NKAIN2: variants seen among roughly 807,000 people sequenced by gnomAD.
NKAIN2 encodes sodium/potassium transporting ATPase interacting 2.
Under a neutral mutation model 32.6 loss-of-function variants are expected in NKAIN2, and 14 were observed. The ratio of observed to expected loss-of-function variants is 0.43; its 90% CI spans 0.28 to 0.67. The LOEUF (loss-of-function observed/expected upper bound fraction) is 0.67, where lower values mean the gene tolerates loss of function less well. NKAIN2 is among the 30% of genes least tolerant of loss of function. The probability of loss-of-function intolerance (pLI) is 0.17; values close to 1 mark genes in which losing one functional copy is unlikely to be tolerated. For missense variants in NKAIN2, 198 were observed against 258.3 expected, an observed-to-expected ratio of 0.77 and a Z score of 1.60; for synonymous variants, 80 against 87.2, an observed-to-expected ratio of 0.92 and a Z score of 0.46.
chr6:123,884,132 C>CCCCA (rs1487208727), intron 1 of NKAIN2, among the ~76,000 whole-genome samples: 1 of 151,952 alleles, frequency 6.6e-6, no homozygotes, highest in Non-Finnish European at 1.5e-5. Flanking sequence ...CTCTGAAAGG[C>CCCCA]CCCAGTGTGT....
At chr6:124,720,676 G>A (rs552888660) in intron 4 of NKAIN2, among the ~76,000 whole-genome samples, 1 of 152,264 alleles carries the variant, frequency 6.6e-6, no homozygotes, top group African/African-American at 2.4e-5. Flanking sequence ...TGGAGATTCA[G>A]ATAGCCACAC....
At chr6:124,099,045 C>A (rs1237344077) in intron 1 of NKAIN2, among the ~76,000 whole-genome samples, 1 of 152,022 alleles carries the variant, frequency 6.6e-6, no homozygotes, top group East Asian at 1.9e-4. Context: ...ATTTAAATTT[C>A]ACTTTTTAGA....
At chr6:124,471,532 G>A (rs973729635) in intron 3 of NKAIN2, among the ~76,000 whole-genome samples, 9 of 152,006 alleles carry the variant, frequency 5.9e-5, no homozygotes, top group Admixed American at 4.6e-4. Flanking sequence ...TTTATTGCAC[G>A]CATTCCATTT....
At chr6:124,719,994 T>C (rs1775936840) in intron 4 of NKAIN2, among the ~76,000 whole-genome samples, 1 of 152,164 alleles carries the variant, frequency 6.6e-6, no homozygotes, top group Non-Finnish European at 1.5e-5. Flanking sequence ...CCAAAGAGAA[T>C]GTCAAATTCT....
At chr6:124,117,623 G>A (rs1171910024) in intron 1 of NKAIN2, among the ~76,000 whole-genome samples, 1 of 151,852 alleles carries the variant, frequency 6.6e-6, no homozygotes, top group Non-Finnish European at 1.5e-5. Flanking sequence ...TGCACGTTGT[G>A]CACATGTACC....
Position 123,873,363 on chromosome 6 carries a change from C to T in NKAIN2, c.54+69109C>T, listed in dbSNP as rs192351558. Among the ~76,000 whole-genome samples the T allele has an allele frequency of 2.8e-3, 427 of 152,132 alleles. 4 individuals carry two copies. The highest frequency in any genetic ancestry group is 0.01 in the Middle Eastern group (3 of 294). On this transcript the variant is annotated intron_variant, in intron 1 of 6. Transcript: ENST00000368417. The stretch of plus-strand genomic sequence containing the variant: ...AAAGAAATTTATGTATTTGGAGTGT[C>T]AGGGCAAAAAGAAAAGATGAGGTTC...
intron 3 of NKAIN2, among the ~76,000 whole-genome samples, chr6:124,646,405 G>A (rs576028649): frequency 1.2e-4 from 18 of 152,254 alleles, no homozygotes; most frequent in African/African-American, 3.4e-4. Context: ...AGATAAGAAG[G>A]TGAGAGATCA....
intron 3 of NKAIN2, among the ~76,000 whole-genome samples, chr6:124,565,246 A>C (rs1232394314): frequency 6.6e-6 from 1 of 152,218 alleles, no homozygotes; most frequent in Non-Finnish European, 1.5e-5. Context: ...GGAATGTTTT[A>C]TTCTAACCTC....
chr6:124,607,976 G>A (rs1782558325), intron 3 of NKAIN2, among the ~76,000 whole-genome samples: 1 of 152,114 alleles, frequency 6.6e-6, no homozygotes, highest in South Asian at 2.1e-4. Context: ...AAGCTATGAT[G>A]TTAGGTATGT....
intron 3 of NKAIN2, among the ~76,000 whole-genome samples, chr6:124,492,577 A>G (rs989930541): frequency 6.6e-6 from 1 of 152,088 alleles, no homozygotes; most frequent in Non-Finnish European, 1.5e-5. Context: ...TCAGGACTAG[A>G]TAGATAATTT....
intron 1 of NKAIN2, among the ~76,000 whole-genome samples, chr6:124,075,888 G>A (rs936847190): frequency 8.5e-5 from 13 of 152,134 alleles, no homozygotes; most frequent in East Asian, 7.7e-4. Flanking sequence ...GAGCCACTGC[G>A]CCCAGCATGT....
At chr6:124,646,787 C>T (rs1319336553) in intron 3 of NKAIN2, among the ~76,000 whole-genome samples, 2 of 151,960 alleles carry the variant, frequency 1.3e-5, no homozygotes, top group African/African-American at 4.8e-5. Flanking sequence ...CTCATCTCTA[C>T]TAAAAATACA....
chr6:124,576,793 A>T (rs1259115394), intron 3 of NKAIN2, among the ~76,000 whole-genome samples: 1 of 152,228 alleles, frequency 6.6e-6, no homozygotes, highest in Non-Finnish European at 1.5e-5. Context: ...GTCAAAAAAG[A>T]TCCATACCTC....
intron 4 of NKAIN2, among the ~76,000 whole-genome samples, chr6:124,661,208 TTTAA>T (rs1322021425): frequency 6.6e-6 from 1 of 152,136 alleles, no homozygotes; most frequent in Non-Finnish European, 1.5e-5. Flanking sequence ...GCTTATGCAG[TTTAA>T]GGCATAATCT....
intron 2 of NKAIN2, among the ~76,000 whole-genome samples, chr6:124,316,449 CTG>C (rs778608445): frequency 3.2e-4 from 48 of 152,178 alleles, no homozygotes; most frequent in Admixed American, 8.5e-4. Context: ...ATTAAGCAAA[CTG>C]TATGATATAA....
At chr6:124,627,441 G>A (rs577452095) in intron 3 of NKAIN2, among the ~76,000 whole-genome samples, 1 of 152,096 alleles carries the variant, frequency 6.6e-6, no homozygotes, top group Non-Finnish European at 1.5e-5. Context: ...TTTGGAGTAA[G>A]ACAAATAATA....
At chr6:124,019,808 T>A (rs1257950665) in intron 1 of NKAIN2, among the ~76,000 whole-genome samples, 1 of 152,100 alleles carries the variant, frequency 6.6e-6, no homozygotes, top group Non-Finnish European at 1.5e-5. Context: ...CTTGACATGA[T>A]CCCCATCCTG....
At chr6:124,354,282 G>A (rs1318645942) in intron 2 of NKAIN2, among the ~76,000 whole-genome samples, 1 of 152,038 alleles carries the variant, frequency 6.6e-6, no homozygotes, top group East Asian at 1.9e-4. Flanking sequence ...ACTCTCATTT[G>A]ATTTGAGTTC....
chr6:123,874,561 C>T (rs1256679946), intron 1 of NKAIN2, among the ~76,000 whole-genome samples: 1 of 151,888 alleles, frequency 6.6e-6, no homozygotes, highest in Non-Finnish European at 1.5e-5. Context: ...TATTTTGGCA[C>T]TAAGTGAAAT....
Sources: gnomAD v4.1 joint callset for allele counts (sites outside exome capture counted in the v4.1 genomes callset) on GRCh38, gnomAD v4.1.1 for gene constraint, MANE v1.5 for transcripts, NCBI Gene and HGNC (gene_info 2026-07-23, HGNC 2026-07-21) for gene names.